Variants in CHPF observed in about 807,000 individuals in gnomAD.
CHPF encodes the protein chondroitin polymerizing factor.
A neutral mutation model predicts 55.1 loss-of-function variants in CHPF; 34 were observed. That is an observed-to-expected ratio of 0.62 (90% confidence interval 0.47 to 0.82). CHPF has a LOEUF of 0.82. Among genes scored for constraint, CHPF ranks in the 40% least tolerant of loss-of-function variants. The pLI is 0.00. For synonymous variants in CHPF, 489 were observed against 496.6 expected (o/e 0.98, Z 0.20); for missense variants, 961 against 1,106.1 (o/e 0.87, Z 1.86).
At chr2:219,542,893 C>T (rs1355469476) in intron 1 of CHPF, 1 of 1,120,248 alleles carries the variant, frequency 8.9e-7, no homozygotes, top group Non-Finnish European at 1.1e-6. Context: ...CTTTCTCTTC[C>T]CCTGTCTCTA....
At position 219,540,353 on chromosome 2, in the gene CHPF, C is replaced by T. The variant is rs371775506; in HGVS notation, c.1358G>A (p.Arg453Gln). 3.8e-5 allele frequency: 61 copies of T among 1,614,006 alleles called. No homozygotes were observed. Among genetic ancestry groups the T allele is most frequent in the African/African-American group, 5.3e-5 (4 of 75,068 alleles). ...CATACCCCGGGCCGGATCAAAGCGT[C>T]GGTAGCCATTCACCAGCTGCTGCTT... ...LQKQQLVNGYRRFDPARGMEY... is the reference protein window; with the variant it reads ...LQKQQLVNGYQRFDPARGMEY... The change falls in exon 4 of 4, where the codon CGA (arginine) becomes CAA (glutamine). Residue 453 changes from arginine to glutamine, a missense_variant. Physicochemically the swap from Arg to Gln is conservative, Grantham distance 43 (BLOSUM62 1). This residue lies in a region of CHPF where 936 missense variants were observed against 1,058.4 expected (regional missense o/e 0.88). Coordinates refer to ENST00000243776, the MANE Select transcript of CHPF (RefSeq NM_024536.6).
In CHPF at chr2:219,540,354, G is replaced by C; in HGVS notation, c.1357C>G (p.Arg453Gly). 1 of 1,613,996 alleles carries C rather than the reference G, an allele frequency of 6.2e-7. No homozygotes were observed. Among genetic ancestry groups the C allele is most frequent in the Non-Finnish European group, 8.5e-7 (1 of 1,180,002 alleles). ...ATACCCCGGGCCGGATCAAAGCGTCGGTAGCCATTCACCAGCTGCTGCTTC... is the reference window on the plus strand; with the variant it reads ...ATACCCCGGGCCGGATCAAAGCGTCCGTAGCCATTCACCAGCTGCTGCTTC... ...LQKQQLVNGY[R>G]RFDPARGMEY... Residue 453 changes from arginine (R) to glycine (G), a missense_variant, in exon 4 of 4, where the codon CGA becomes GGA. By Grantham distance (125) the Arg-to-Gly change is moderately radical (BLOSUM62 -2). This residue lies in a region of CHPF where 936 missense variants were observed against 1,058.4 expected (regional missense o/e 0.88). Transcript: ENST00000243776.
Position 219,540,342 on chromosome 2 carries a change from G to A in CHPF, c.1369C>T (p.Pro457Ser), listed in dbSNP as rs1695242167. 1 of 1,613,996 alleles carries A rather than the reference G, an allele frequency of 6.2e-7. No individual in the cohort carries two copies. Among genetic ancestry groups the A allele is most frequent in the Admixed American group, 1.7e-5 (1 of 60,036 alleles). The change falls in exon 4 of 4, where the codon CCG (proline) becomes TCG (serine). Residue 457 changes from proline (P) to serine (S), a missense_variant. By Grantham distance (74) the Pro-to-Ser change is moderately conservative. Around this residue, in one of 3 missense-constraint regions of CHPF, gnomAD observed 936 missense variants for 1,058.4 expected, o/e 0.88. Transcript: ENST00000243776. ...AGCGTGTATTCCATACCCCGGGCCG[G>A]ATCAAAGCGTCGGTAGCCATTCACC... ...QLVNGYRRFD[P>S]ARGMEYTLDL...
At chr2:219,541,238 G>A (rs1695263707) in intron 2 of CHPF, 113 bp from the exon 3 acceptor site, 20 of 1,051,252 alleles carry the variant, frequency 1.9e-5, no homozygotes, top group Non-Finnish European at 2.6e-5. Flanking sequence ...CAGTCTGAGG[G>A]TTTAAGTCTA....
At chr2:219,542,914 CTA>C in intron 1 of CHPF, 3 of 1,190,140 alleles carry the variant, frequency 2.5e-6, no homozygotes, top group Non-Finnish European at 3.1e-6. Context: ...TACACTCACC[CTA>C]TATATAAGTC....
intron 1 of CHPF, among the ~76,000 whole-genome samples, chr2:219,542,682 G>T (rs1032163185): frequency 6.6e-6 from 1 of 152,194 alleles, no homozygotes; most frequent in Non-Finnish European, 1.5e-5. Flanking sequence ...TGCACTCAGG[G>T]GCTCTAGGAA....
rs1695225635 is a variant in CHPF at position 219,539,832 on chromosome 2, G to A, written c.1879C>T (p.Arg627Cys). The A allele has an allele frequency of 2.5e-6, 4 of 1,613,584 alleles. No homozygotes were observed. Among genetic ancestry groups the A allele is most frequent in the Non-Finnish European group, 2.5e-6 (3 of 1,180,028 alleles). ...DTVLTPDFLN[R>C]CRMHAISGWQ... Reference sequence around the variant, plus strand: ...CCGGAGATGGCATGCATGCGGCAGCGGTTCAGGAAGTCAGGCGTGAGCACC... The same window carrying A: ...CCGGAGATGGCATGCATGCGGCAGCAGTTCAGGAAGTCAGGCGTGAGCACC... The change falls in exon 4 of 4, where the codon CGC becomes TGC. Residue 627 changes from arginine (R) to cysteine (C), a missense_variant. Around this residue, in one of 3 missense-constraint regions of CHPF, gnomAD observed 936 missense variants for 1,058.4 expected, o/e 0.88. Transcript: ENST00000243776.
In CHPF at chr2:219,539,210, C is replaced by T. The variant is rs905147766; in HGVS notation, c.*173G>A. The stretch of plus-strand genomic sequence containing the variant: ...AGTGGGTGGCTCTGGGGGCACGTCC[C>T]CCAGTGCTTGTCCAGAGCCCAGGGA... On this transcript the variant is annotated 3_prime_UTR_variant, in exon 4 of 4. Coordinates refer to ENST00000243776, the MANE Select transcript of CHPF (RefSeq NM_024536.6). 9.4e-6 allele frequency: 6 copies of T among 637,318 alleles called. No homozygotes were observed. Among genetic ancestry groups the T allele is most frequent in the African/African-American group, 9.2e-5 (5 of 54,572 alleles). 39.5% of individuals were successfully genotyped at this position (637,318 alleles called of 1,614,324 possible). A position where few individuals can be genotyped will look rare whatever the true frequency, so the allele number is the denominator to read the frequency against.
In CHPF at chr2:219,542,326, C is replaced by T. The variant is rs1378396110; in HGVS notation, c.315-137G>A. ...ACCTATGAATAGGTTAAAAATAAACCCTCTCTCCCAGGGGTCATGAGGATT... is the reference window on the plus strand; with the variant it reads ...ACCTATGAATAGGTTAAAAATAAACTCTCTCTCCCAGGGGTCATGAGGATT... On this transcript the variant is annotated intron_variant, in intron 1 of 3. Coordinates refer to ENST00000243776, the MANE Select transcript of CHPF (RefSeq NM_024536.6). The T allele has an allele frequency of 4.4e-6, 3 of 674,720 alleles. No individual in the cohort carries two copies. The African/African-American group carries it at 5.5e-5, about 12-fold the overall frequency. The allele number at this position is 674,720 out of a possible 1,614,324, so 41.8% of individuals were successfully genotyped here. A position where few individuals can be genotyped will look rare whatever the true frequency, so the allele number is the denominator to read the frequency against.
intron 1 of CHPF, 42 bp downstream of exon 1, chr2:219,543,183 G>C: frequency 1.4e-6 from 2 of 1,399,046 alleles, no homozygotes; most frequent in Non-Finnish European, 1.8e-6. Context: ...CGCGCTTCCC[G>C]GCCGCTGCCC....
At position 219,539,425 on chromosome 2, in the gene CHPF, C is replaced by T. The variant is rs768799399; in HGVS notation, c.2286G>A (p.Leu762=). 1 of 1,611,418 alleles carries T rather than the reference C, an allele frequency of 6.2e-7. No homozygotes were observed. The highest frequency in any genetic ancestry group is 2.2e-5 in the East Asian group (1 of 44,812). The change falls in exon 4 of 4, where the codon CTG becomes CTA. Residue 762 remains leucine, a synonymous_variant. Transcript: ENST00000243776. ...VLEGLGSRTQ[L]AMLLFEQEQG... is the part of the protein sequence containing the mutation. ...GCTCCTGTTCAAAGAGTAGCATGGC[C>T]AGCTGGGTTCGGGAGCCGAGGCCCT...
chr2:219,543,562 G>A lies in CHPF; in HGVS notation c.-24C>T. 7.6e-7 allele frequency: 1 copy of A among 1,324,200 alleles called. No individual in the cohort carries two copies. The highest frequency in any genetic ancestry group is 9.6e-7 in the Non-Finnish European group (1 of 1,041,292). 82.0% of individuals were successfully genotyped at this position (1,324,200 alleles called of 1,614,324 possible). On this transcript the variant is annotated 5_prime_UTR_variant, in exon 1 of 4. Transcript: ENST00000243776. ...ATGGCGCCCGGACCGCGGGTCCCCG[G>A]CCCCGGCGAACCCCCAGAGCAGCCA...
At position 219,540,433 on chromosome 2, in the gene CHPF, C is replaced by A; in HGVS notation, c.1278G>T (p.Leu426=). The change falls in exon 4 of 4, where the codon CTG becomes CTT. Residue 426 remains leucine, a synonymous_variant. Coordinates refer to ENST00000243776, the MANE Select transcript of CHPF (RefSeq NM_024536.6). ...GADRADVADV[L]GTALEELNRR... ...GGTTCAGCTCCTCTAGAGCTGTCCCCAGAACATCGGCCACATCAGCCCGGT... is the reference window on the plus strand; with the variant it reads ...GGTTCAGCTCCTCTAGAGCTGTCCCAAGAACATCGGCCACATCAGCCCGGT... The A allele has an allele frequency of 6.2e-7, 1 of 1,613,658 alleles. No homozygotes were observed. Among genetic ancestry groups the A allele is most frequent in the Non-Finnish European group, 8.5e-7 (1 of 1,179,988 alleles).
rs1230630454 is a variant in CHPF, at chr2:219,541,641, C to T, written c.863G>A (p.Gly288Glu). Residue 288 changes from glycine (G) to glutamate (E), a missense_variant, in exon 2 of 4, where the codon GGG becomes GAG. Transcript: ENST00000243776. Reference protein sequence around the residue: ...WLGRCILDATGVGCTGDHEGV... With the variant: ...WLGRCILDATEVGCTGDHEGV... Reference sequence around the variant, plus strand: ...CTCGTGGTCACCAGTGCAGCCCACCCCGGTGGCATCGAGAATGCAGCGACC... The same window carrying T: ...CTCGTGGTCACCAGTGCAGCCCACCTCGGTGGCATCGAGAATGCAGCGACC... The T allele has an allele frequency of 1.3e-6, 2 of 1,590,008 alleles. No homozygotes were observed. Among genetic ancestry groups the T allele is most frequent in the Non-Finnish European group, 1.7e-6 (2 of 1,165,338 alleles).
At chr2:219,540,901 AGATCCTG>A (rs1695256546) in intron 3 of CHPF, 38 bp downstream of exon 3, 1 of 1,594,268 alleles carries the variant, frequency 6.3e-7, no homozygotes, top group African/African-American at 1.4e-5. Context: ...GTGACTTCTC[AGATCCTG>A]TCCCCGTCAC....
rs768608276 is a variant in CHPF at position 219,543,241 on chromosome 2, C to T, written c.298G>A (p.Ala100Thr). The T allele has an allele frequency of 1.3e-6, 2 of 1,554,746 alleles. No individual in the cohort carries two copies. The highest frequency in any genetic ancestry group is 1.7e-6 in the Non-Finnish European group (2 of 1,160,822). Residue 100 changes from alanine to threonine, a missense_variant, in exon 1 of 4, where the codon GCC becomes ACC. This residue lies in a region of CHPF where 936 missense variants were observed against 1,058.4 expected (regional missense o/e 0.88). Coordinates refer to ENST00000243776, the MANE Select transcript of CHPF (RefSeq NM_024536.6). Reference sequence around the variant, plus strand: ...GATCACTACCTGACGGCCTTTTTGGCGGCCTGGCCGGGCTGTGCAGGGTGG... The same window carrying T: ...GATCACTACCTGACGGCCTTTTTGGTGGCCTGGCCGGGCTGTGCAGGGTGG... ...PYHPAQPGQA[A>T]KKAVRTRYIS... is the part of the protein sequence containing the mutation.
At position 219,543,621 on chromosome 2, in the gene CHPF, G is replaced by T; in HGVS notation, c.-83C>A. 6.2e-6 allele frequency: 7 copies of T among 1,135,618 alleles called. No individual in the cohort carries two copies. The highest frequency in any genetic ancestry group is 6.4e-4 in the Middle Eastern group (2 of 3,146). The allele number at this position is 1,135,618 out of a possible 1,614,324, so 70.3% of individuals were successfully genotyped here. A position where few individuals can be genotyped will look rare whatever the true frequency, so the allele number is the denominator to read the frequency against. The stretch of plus-strand genomic sequence containing the variant: ...TCCGAGGGGGCGGGACCGGGGAGGG[G>T]GCGGATCCGGAGGGCTCGGGCCCCG... On this transcript the variant is annotated 5_prime_UTR_variant, in exon 1 of 4. Coordinates refer to ENST00000243776, the MANE Select transcript of CHPF (RefSeq NM_024536.6).
Position 219,541,946 on chromosome 2 carries a change from C to T in CHPF, c.558G>A (p.Glu186=). 1 of 1,613,220 alleles carries T rather than the reference C, an allele frequency of 6.2e-7. No homozygotes were observed. The highest frequency in any genetic ancestry group is 1.1e-5 in the South Asian group (1 of 91,028). The change falls in exon 2 of 4, where the codon GAG becomes GAA. Residue 186 remains glutamate, a synonymous_variant. Coordinates refer to ENST00000243776, the MANE Select transcript of CHPF (RefSeq NM_024536.6). Reference sequence around the variant, plus strand: ...ACCAGTCAAAGTCGTCGCCGTGCTGCTCCAGCAGGTGGCGCAGCGCCAGGT... The same window carrying T: ...ACCAGTCAAAGTCGTCGCCGTGCTGTTCCAGCAGGTGGCGCAGCGCCAGGT... ...HLHLALRHLL[E]QHGDDFDWFF...
chr2:219,540,641 C>T lies in CHPF; in HGVS notation c.1070G>A (p.Trp357Ter). Reference protein sequence around the residue: ...RTYQEIQELQWEIQNTSHLAV... With the variant: ...RTYQEIQELQ ...CAGATGGCTGGTATTCTGGATCTCC[C>T]ACTGGATCAGAGAAACAGGCCATCA... Residue 357 changes from tryptophan (W) to a stop codon, truncating the protein, a stop_gained and splice_region_variant, in exon 4 of 4, where the codon TGG becomes TAG. Transcript: ENST00000243776. LOFTEE classifies it high-confidence loss of function. The T allele has an allele frequency of 1.3e-6, 2 of 1,590,214 alleles. No homozygotes were observed. The highest frequency in any genetic ancestry group is 1.7e-6 in the Non-Finnish European group (2 of 1,168,856).
Sources: allele counts gnomAD v4.1 joint callset (sites outside exome capture counted in the v4.1 genomes callset), GRCh38; gene constraint gnomAD v4.1.1; regional missense constraint gnomAD v4.1.1; transcripts MANE v1.5; gene names NCBI Gene and HGNC (gene_info 2026-07-23, HGNC 2026-07-21).